FAM149A: variants seen among roughly 807,000 people sequenced by gnomAD.
The protein encoded by FAM149A is family with sequence similarity 149 member A.
FAM149A carries 71 observed loss-of-function variants against 78.2 expected under a neutral mutation model. That is an observed-to-expected ratio of 0.91 (90% CI 0.75 to 1.11). The LOEUF is 1.11. Among genes scored for constraint, FAM149A ranks in the 50% least tolerant of loss-of-function variants. FAM149A has a pLI of 0.00. For missense variants in FAM149A, 1,036 were observed against 971.0 expected (o/e 1.07, Z -0.89); for synonymous variants, 446 against 410.5 (o/e 1.09, Z -1.04).
chr4:186,160,246 TCA>T (rs1211423099), intron 8 of FAM149A, among the ~76,000 whole-genome samples: 8 of 63,214 alleles, frequency 1.3e-4, no homozygotes, highest in African/African-American at 3.3e-4. Context: ...CACACACCAC[TCA>T]CACACACACT....
Position 186,136,976 on chromosome 4 carries a change from TTCTCTCTCTCTC to T in FAM149A, c.567-12165_567-12154del, listed in dbSNP as rs70964917. ...TCTCTCTCTCTCTTTCTCTCTCTCT[TTCTCTCTCTCTC>T]TCTCTCTCTCTCTCTCTCTCTCTCT... On this transcript the variant is annotated intron_variant, in intron 1 of 13. Coordinates refer to ENST00000389354, the MANE Select transcript of FAM149A (RefSeq NM_001367768.3). Among the ~76,000 whole-genome samples the T allele has an allele frequency of 2.7e-3, 198 of 72,086 alleles. 5 individuals are homozygous for T. Among genetic ancestry groups the T allele is most frequent in the Admixed American group, 5.6e-3 (34 of 6,030 alleles). The allele number at this position is 72,086 out of a possible 152,430, so 47.3% of individuals were successfully genotyped here. A position where few individuals can be genotyped will look rare whatever the true frequency, so the allele number is the denominator to read the frequency against.
chr4:186,130,293 C>CTCTCTCTCTATATATATATATA, intron 1 of FAM149A: 7 of 46,590 alleles, frequency 1.5e-4, no homozygotes, highest in African/African-American at 3.6e-4. Context: ...CTCTCTCTCT[C>CTCTCTCTCTATATATATATATA]TATATATATA....
At chr4:186,160,156 C>T (rs1734439759) in intron 8 of FAM149A, among the ~76,000 whole-genome samples, 1 of 139,536 alleles carries the variant, frequency 7.2e-6, no homozygotes, top group Non-Finnish European at 1.5e-5. Context: ...ACACACACTA[C>T]ACGCACACAC....
At chr4:186,167,470 G>T in intron 13 of FAM149A, 1 of 632,748 alleles carries the variant, frequency 1.6e-6, no homozygotes, top group Non-Finnish European at 2.9e-6. Context: ...GTCAAGAAGA[G>T]GGGAATGTCC....
intron 7 of FAM149A, among the ~76,000 whole-genome samples, chr4:186,156,680 CA>C (rs200820263): frequency 4.7e-5 from 7 of 149,892 alleles, no homozygotes; most frequent in Non-Finnish European, 7.4e-5. Context: ...AACTCCATCT[CA>C]AAAAAAAAGA....
chr4:186,155,301 A>C (rs1733962235), intron 6 of FAM149A, among the ~76,000 whole-genome samples: 1 of 152,292 alleles, frequency 6.6e-6, no homozygotes, highest in Non-Finnish European at 1.5e-5. Flanking sequence ...TACAACTATT[A>C]CATGATAAAA....
chr4:186,145,179 C>T (rs1392395664), intron 1 of FAM149A: 4 of 980,938 alleles, frequency 4.1e-6, no homozygotes, highest in Non-Finnish European at 4.8e-6. Flanking sequence ...CGGTGTTCTC[C>T]GCCCGCGGGC....
chr4:186,168,979 G>A (rs930429683), intron 13 of FAM149A, among the ~76,000 whole-genome samples: 2 of 152,168 alleles, frequency 1.3e-5, no homozygotes, highest in Non-Finnish European at 1.5e-5. Context: ...ATGACTCTCT[G>A]GATGGCCAGC....
intron 1 of FAM149A, chr4:186,125,631 T>A (rs921013749): frequency 1.2e-6 from 1 of 869,066 alleles, no homozygotes; most frequent in African/African-American, 1.8e-5. Context: ...TTGTCAGGTT[T>A]AAGTGAGATC....
intron 1 of FAM149A, among the ~76,000 whole-genome samples, chr4:186,106,316 C>T (rs2099308741): frequency 6.6e-6 from 1 of 152,102 alleles, no homozygotes; most frequent in African/African-American, 2.4e-5. Flanking sequence ...ACACACACAC[C>T]CACACAACAC....
chr4:186,150,441 A>C (rs562493804), intron 3 of FAM149A, among the ~76,000 whole-genome samples: 15 of 80,902 alleles, frequency 1.9e-4, no homozygotes, highest in East Asian at 1.4e-3. Context: ...TTTTTTTGAG[A>C]CGGAGTCTCG....
Position 186,151,935 on chromosome 4 carries a change from G to GCGGTTACT in FAM149A, c.824_831dup (p.Trp278GlyfsTer15), listed in dbSNP as rs1561405959. 1 of 1,614,170 alleles carries GCGGTTACT rather than the reference G, an allele frequency of 6.2e-7. No individual in the cohort carries two copies. Among genetic ancestry groups the GCGGTTACT allele is most frequent in the East Asian group, 2.2e-5 (1 of 44,884 alleles). On this transcript the variant is annotated frameshift_variant, in exon 4 of 14. Transcript: ENST00000389354. LOFTEE classifies it high-confidence loss of function. ...ACGAAGCCAGTTCACAGTCAGTGCA[G>GCGGTTACT]CGGTTACTCTGGGAGGTGGAGGAAA...
intron 1 of FAM149A, among the ~76,000 whole-genome samples, chr4:186,126,290 T>A (rs1301328618): frequency 2.0e-5 from 3 of 152,164 alleles, no homozygotes; most frequent in Non-Finnish European, 4.4e-5. Context: ...ATTTATTCAC[T>A]CTCTCAGCTT....
chr4:186,160,111 A>ACG (rs1734432364), intron 8 of FAM149A, among the ~76,000 whole-genome samples: 1 of 129,688 alleles, frequency 7.7e-6, no homozygotes, highest in Admixed American at 7.9e-5. Flanking sequence ...TACACACACC[A>ACG]CGCACACACA....
chr4:186,149,459 A>G, intron 2 of FAM149A, 107 bp from the exon 3 acceptor site: 1 of 1,152,876 alleles, frequency 8.7e-7, no homozygotes, highest in Non-Finnish European at 1.1e-6. Flanking sequence ...AAATTAATAA[A>G]TATATTTAAT....
intron 1 of FAM149A, chr4:186,126,017 C>T: frequency 3.0e-6 from 3 of 985,406 alleles, no homozygotes; most frequent in Non-Finnish European, 3.6e-6. Flanking sequence ...AGCCTGCCAT[C>T]TCCTTCCTCC....
chr4:186,150,595 A>C (rs1319147319), intron 3 of FAM149A, among the ~76,000 whole-genome samples: 1 of 97,452 alleles, frequency 1.0e-5, no homozygotes, highest in African/African-American at 3.9e-5. Context: ...AATTTTTTGT[A>C]TTTTTAATAG....
In FAM149A at chr4:186,158,314, A is replaced by G; in HGVS notation, c.1575+595A>G. The G allele has an allele frequency of 3.3e-6, 4 of 1,211,798 alleles. No individual in the cohort carries two copies. In the South Asian group the frequency reaches 4.5e-5, roughly 14 times the overall value. 75.1% of individuals were successfully genotyped at this position (1,211,798 alleles called of 1,614,324 possible). A position where few individuals can be genotyped will look rare whatever the true frequency, so the allele number is the denominator to read the frequency against. On this transcript the variant is annotated intron_variant, in intron 8 of 13. Transcript: ENST00000389354. Reference sequence around the variant, plus strand: ...AGGCGTCTTGGCTAGCCCACCTCCCATTGCTCTGTGGAACACAGATTCTCC... The same window carrying G: ...AGGCGTCTTGGCTAGCCCACCTCCCGTTGCTCTGTGGAACACAGATTCTCC...
Position 186,110,069 on chromosome 4 carries a change from A to G in FAM149A, c.566+4427A>G, listed in dbSNP as rs2099310567. 1.0e-5 allele frequency: 10 copies of G among 985,472 alleles called. No individual in the cohort carries two copies. The South Asian group carries it at 3.3e-4, about 32-fold the overall frequency. 61.0% of individuals were successfully genotyped at this position (985,472 alleles called of 1,614,324 possible). A position where few individuals can be genotyped will look rare whatever the true frequency, so the allele number is the denominator to read the frequency against. ...CTGAAACCCTGTGATTTATATTCACATCTTATGTCCATTATCAGACTATAA... is the reference window on the plus strand; with the variant it reads ...CTGAAACCCTGTGATTTATATTCACGTCTTATGTCCATTATCAGACTATAA... On this transcript the variant is annotated intron_variant, in intron 1 of 13. Coordinates refer to ENST00000389354, the MANE Select transcript of FAM149A (RefSeq NM_001367768.3).
Sources: allele counts gnomAD v4.1 joint callset (sites outside exome capture counted in the v4.1 genomes callset), GRCh38; gene constraint gnomAD v4.1.1; transcripts MANE v1.5; gene names NCBI Gene and HGNC (gene_info 2026-07-23, HGNC 2026-07-21).